SLC16A14: variants seen among roughly 807,000 people sequenced by gnomAD.
SLC16A14 encodes monocarboxylate transporter 14.
A neutral mutation model predicts 35.8 loss-of-function variants in SLC16A14; 14 were observed. The observed-to-expected ratio is 0.39, with a 90% CI of 0.26 to 0.61. The LOEUF is 0.61. Among genes scored for constraint, SLC16A14 ranks in the 20% least tolerant of loss-of-function variants. The pLI is 0.51. For synonymous variants in SLC16A14, 248 were observed against 258.9 expected, an observed-to-expected ratio of 0.96 and a Z score of 0.40; for missense variants, 533 against 655.0, an observed-to-expected ratio of 0.81 and a Z score of 2.03.
chr2:230,040,485 G>T (rs1231664355), intron 4 of SLC16A14, among the ~76,000 whole-genome samples: 3 of 152,132 alleles, frequency 2.0e-5, no homozygotes, highest in Non-Finnish European at 4.4e-5. Flanking sequence ...GCCTCCCAAA[G>T]TGCTCGGATT....
At position 230,035,597 on chromosome 2, in the gene SLC16A14, C is replaced by A. The variant is rs188287934; in HGVS notation, c.*1783G>T. ...CTTTATCAAAATAGAGAGCTGGATTCTTTAACAGCAGCCAAAGCTGTAATG... is the reference window on the plus strand; with the variant it reads ...CTTTATCAAAATAGAGAGCTGGATTATTTAACAGCAGCCAAAGCTGTAATG... On this transcript the variant is annotated 3_prime_UTR_variant, in exon 5 of 5. Transcript: ENST00000295190. 11 of 152,364 alleles carry A rather than the reference C, an allele frequency of 7.2e-5. No homozygotes were observed. Among genetic ancestry groups the A allele is most frequent in the Admixed American group, 6.5e-4 (10 of 15,282 alleles). 9.4% of individuals were successfully genotyped at this position (152,364 alleles called of 1,614,324 possible). A position where few individuals can be genotyped will look rare whatever the true frequency, so the allele number is the denominator to read the frequency against.
At chr2:230,053,937 T>C (rs1356180311) in intron 2 of SLC16A14, among the ~76,000 whole-genome samples, 2 of 152,116 alleles carry the variant, frequency 1.3e-5, no homozygotes, top group Non-Finnish European at 2.9e-5. Context: ...TGCTTTGAAC[T>C]CCAGGTCTCT....
At position 230,036,824 on chromosome 2, in the gene SLC16A14, C is replaced by T. The variant is rs1357788490; in HGVS notation, c.*556G>A. On this transcript the variant is annotated 3_prime_UTR_variant, in exon 5 of 5. Transcript: ENST00000295190. Reference sequence around the variant, plus strand: ...AGAATTCCCTCATAAAAATACAAGCCGTGTTTCTTTAATTGCACTAAATTG... The same window carrying T: ...AGAATTCCCTCATAAAAATACAAGCTGTGTTTCTTTAATTGCACTAAATTG... The T allele has an allele frequency of 1.3e-5, 2 of 152,128 alleles. No individual in the cohort carries two copies. Among genetic ancestry groups the T allele is most frequent in the East Asian group, 3.8e-4 (2 of 5,198 alleles). 9.4% of individuals were successfully genotyped at this position (152,128 alleles called of 1,614,324 possible). A position where few individuals can be genotyped will look rare whatever the true frequency, so the allele number is the denominator to read the frequency against.
rs1012649244 is a variant in SLC16A14 at position 230,035,981 on chromosome 2, C to T, written c.*1399G>A. The T allele has an allele frequency of 6.5e-6, 1 of 152,708 alleles. No individual in the cohort carries two copies. Among genetic ancestry groups the T allele is most frequent in the Middle Eastern group, 3.4e-3 (1 of 294 alleles). 9.5% of individuals were successfully genotyped at this position (152,708 alleles called of 1,614,324 possible). On this transcript the variant is annotated 3_prime_UTR_variant, in exon 5 of 5. Transcript: ENST00000295190. ...CCAATTCCTAGTAGCATTCCTGCGT[C>T]TAATTGTGAAGGATAATTGAGAATG...
intron 4 of SLC16A14, among the ~76,000 whole-genome samples, chr2:230,043,034 T>C (rs2077573244): frequency 2.0e-5 from 3 of 152,340 alleles, no homozygotes; most frequent in African/African-American, 7.2e-5. Context: ...AAACTATCAT[T>C]GTCAGGATGT....
intron 1 of SLC16A14, among the ~76,000 whole-genome samples, chr2:230,062,037 G>A (rs1177607012): frequency 3.3e-5 from 5 of 152,070 alleles, no homozygotes; most frequent in African/African-American, 1.2e-4. Context: ...CACTCTGCCC[G>A]GCTCACTATC....
intron 3 of SLC16A14, among the ~76,000 whole-genome samples, chr2:230,048,332 T>A (rs1183027998): frequency 7.2e-5 from 11 of 152,268 alleles, no homozygotes; most frequent in Non-Finnish European, 5.9e-5. Context: ...TTAACTCTTA[T>A]GCTAACGCAT....
In SLC16A14 at chr2:230,046,134, A is replaced by C; in HGVS notation, c.992T>G (p.Val331Gly). ...FWALFAYSSF[V>G]IPFIHLPEIV... Reference sequence around the variant, plus strand: ...TTCTGGGAGGTGAATGAAGGGGATGACAAAGCTGCTGTATGCAAACAAAGC... The same window carrying C: ...TTCTGGGAGGTGAATGAAGGGGATGCCAAAGCTGCTGTATGCAAACAAAGC... Residue 331 changes from valine to glycine, a missense_variant, in exon 4 of 5, where the codon GTC becomes GGC. Val to Gly is a moderately radical substitution (Grantham distance 109, BLOSUM62 -3). Coordinates refer to ENST00000295190, the MANE Select transcript of SLC16A14 (RefSeq NM_152527.5). This position sits in a 1 kb window ranked among gnomAD's most constrained non-coding sequence, Gnocchi z 5.0. 3 of 1,614,004 alleles carry C rather than the reference A, an allele frequency of 1.9e-6. No homozygotes were observed. Among genetic ancestry groups the C allele is most frequent in the Non-Finnish European group, 2.5e-6 (3 of 1,179,820 alleles).
chr2:230,043,149 C>G (rs1019105422), intron 4 of SLC16A14, among the ~76,000 whole-genome samples: 1 of 152,220 alleles, frequency 6.6e-6, no homozygotes, highest in South Asian at 2.1e-4. Flanking sequence ...TTGCTATAGT[C>G]AATTTTCACC....
At chr2:230,043,081 A>G (rs2106245983) in intron 4 of SLC16A14, among the ~76,000 whole-genome samples, 1 of 152,366 alleles carries the variant, frequency 6.6e-6, no homozygotes, top group African/African-American at 2.4e-5. Context: ...AGAGAATTTT[A>G]CATAATGAGA....
chr2:230,040,056 G>A (rs1305470759), intron 4 of SLC16A14, among the ~76,000 whole-genome samples: 4 of 152,038 alleles, frequency 2.6e-5, no homozygotes, highest in Non-Finnish European at 5.9e-5. Context: ...GTCTGAACAT[G>A]TCCTGTTCCC....
intron 4 of SLC16A14, among the ~76,000 whole-genome samples, chr2:230,044,337 G>A (rs2077583406): frequency 6.6e-6 from 1 of 151,986 alleles, no homozygotes; most frequent in South Asian, 2.1e-4. Context: ...AATTAGCTGG[G>A]CATGGTGGCG....
chr2:230,062,815 C>T (rs2077761608), intron 1 of SLC16A14, among the ~76,000 whole-genome samples: 1 of 152,142 alleles, frequency 6.6e-6, no homozygotes, highest in Admixed American at 6.6e-5. Flanking sequence ...TTCTGTCACA[C>T]CTTGTTCTCA....
Position 230,049,911 on chromosome 2 carries a change from C to G in SLC16A14, c.260-7G>C. The G allele has an allele frequency of 6.2e-7, 1 of 1,613,226 alleles. No homozygotes were observed. Among genetic ancestry groups the G allele is most frequent in the Non-Finnish European group, 8.5e-7 (1 of 1,179,426 alleles). On this transcript the variant is annotated splice_polypyrimidine_tract_variant and splice_region_variant and intron_variant, in intron 2 of 4. Coordinates refer to ENST00000295190, the MANE Select transcript of SLC16A14 (RefSeq NM_152527.5). Reference sequence around the variant, plus strand: ...AACAAGCCGATGAAAGGGCCTGTCACAGAGCATTGGAAAAGGAATTGACTA... The same window carrying G: ...AACAAGCCGATGAAAGGGCCTGTCAGAGAGCATTGGAAAAGGAATTGACTA...
At chr2:230,044,026 C>G (rs1030988062) in intron 4 of SLC16A14, among the ~76,000 whole-genome samples, 1 of 152,188 alleles carries the variant, frequency 6.6e-6, no homozygotes, top group Non-Finnish European at 1.5e-5. Context: ...CTCCCACCCC[C>G]CAAAACACCG....
rs1418906629 is a variant in SLC16A14 at position 230,036,781 on chromosome 2, G to A, written c.*599C>T. On this transcript the variant is annotated 3_prime_UTR_variant, in exon 5 of 5. Transcript: ENST00000295190. Reference sequence around the variant, plus strand: ...CCTTCTTTTAGAGGAGGATTTAGGAGTCACAATCCCTAGCTGCAGAATTCC... The same window carrying A: ...CCTTCTTTTAGAGGAGGATTTAGGAATCACAATCCCTAGCTGCAGAATTCC... 1 of 152,214 alleles carries A rather than the reference G, an allele frequency of 6.6e-6. No individual in the cohort carries two copies. The highest frequency in any genetic ancestry group is 1.9e-4 in the East Asian group (1 of 5,198). 9.4% of individuals were successfully genotyped at this position (152,214 alleles called of 1,614,324 possible). A position where few individuals can be genotyped will look rare whatever the true frequency, so the allele number is the denominator to read the frequency against.
At position 230,046,412 on chromosome 2, in the gene SLC16A14, C is replaced by T; in HGVS notation, c.714G>A (p.Lys238=). 1 of 1,614,244 alleles carries T rather than the reference C, an allele frequency of 6.2e-7. No individual in the cohort carries two copies. Among genetic ancestry groups the T allele is most frequent in the Non-Finnish European group, 8.5e-7 (1 of 1,180,052 alleles). ...CTGTTCTTCCCTGCTGTCCAGTTGA[C>T]TTCACAGATTCTGTGGAGTGCGCTG... The part of the protein sequence containing the change: ...GLPAHSTESV[K]STGQQGRTEE... The change falls in exon 4 of 5, where the codon AAG becomes AAA. Residue 238 remains lysine, a synonymous_variant. Coordinates refer to ENST00000295190, the MANE Select transcript of SLC16A14 (RefSeq NM_152527.5). The surrounding 1 kb of genome is among the most constrained non-coding windows in gnomAD (Gnocchi z 5.0).
At chr2:230,059,058 C>T (rs375061064) in intron 2 of SLC16A14, 36 bp downstream of exon 2, 50 of 1,533,282 alleles carry the variant, frequency 3.3e-5, no homozygotes, top group African/African-American at 3.0e-4. Context: ...CATTTGATAA[C>T]GATTCAGTTT....
chr2:230,048,923 CA>C (rs748042264), intron 3 of SLC16A14, among the ~76,000 whole-genome samples: 1 of 15,242 alleles, frequency 6.6e-5, no homozygotes, highest in African/African-American at 2.4e-4. Flanking sequence ...AACTCCATCT[CA>C]AAAAAAAAAA....
Sources: allele counts gnomAD v4.1 joint callset (sites outside exome capture counted in the v4.1 genomes callset), GRCh38; gene constraint gnomAD v4.1.1; non-coding constraint Gnocchi (gnomAD v3.1); transcripts MANE v1.5; gene names NCBI Gene and HGNC (gene_info 2026-07-23, HGNC 2026-07-21).